ADAMTS3: variants seen among roughly 807,000 people sequenced by gnomAD.
ADAMTS3 encodes the protein ADAM metallopeptidase with thrombospondin type 1 motif 3.
Under a neutral mutation model 129.0 loss-of-function variants are expected in ADAMTS3, and 73 were observed. The observed-to-expected ratio is 0.57, with a 90% CI of 0.47 to 0.69. The LOEUF is 0.69. Ranked by LOEUF, ADAMTS3 falls within the 30% of genes least tolerant of loss-of-function variation. The pLI, the probability that ADAMTS3 is intolerant of heterozygous loss-of-function variation, is 0.00. For synonymous variants in ADAMTS3, 477 were observed against 510.8 expected, an observed-to-expected ratio of 0.93 and a Z score of 0.89; for missense variants, 1,457 against 1,514.5, an observed-to-expected ratio of 0.96 and a Z score of 0.63.
At chr4:72,464,572 C>A (rs763541305) in intron 3 of ADAMTS3, among the ~76,000 whole-genome samples, 22 of 151,944 alleles carry the variant, frequency 1.4e-4, no homozygotes, top group Non-Finnish European at 3.1e-4. Flanking sequence ...ATTTATTGAA[C>A]ATTTACTCTG....
At chr4:72,310,098 G>A (rs1303213674) in intron 14 of ADAMTS3, among the ~76,000 whole-genome samples, 1 of 152,074 alleles carries the variant, frequency 6.6e-6, no homozygotes. Context: ...TAAACCAATG[G>A]AAGGTTAGTG....
In ADAMTS3 at chr4:72,476,467, G is replaced by A. The variant is rs548929390; in HGVS notation, c.505-61496C>T. Among the ~76,000 whole-genome samples the A allele has an allele frequency of 2.0e-5, 3 of 152,146 alleles. No individual in the cohort carries two copies. In the South Asian group the frequency reaches 6.2e-4, roughly 32 times the overall value. On this transcript the variant is annotated intron_variant, in intron 3 of 21. Coordinates refer to ENST00000286657, the MANE Select transcript of ADAMTS3 (RefSeq NM_014243.3). Reference sequence around the variant, plus strand: ...CTTGTAACCAATAAGGTAATTAAATGTACAACTTAAAAAATCCCAAAAAAG... The same window carrying A: ...CTTGTAACCAATAAGGTAATTAAATATACAACTTAAAAAATCCCAAAAAAG...
chr4:72,454,958 C>G (rs1312345972), intron 3 of ADAMTS3, among the ~76,000 whole-genome samples: 1 of 151,796 alleles, frequency 6.6e-6, no homozygotes, highest in East Asian at 2.0e-4. Flanking sequence ...AAAATTTAAA[C>G]ACACTGTATT....
intron 4 of ADAMTS3, among the ~76,000 whole-genome samples, chr4:72,395,196 A>G (rs1721696544): frequency 6.6e-6 from 1 of 152,176 alleles, no homozygotes; most frequent in Non-Finnish European, 1.5e-5. Context: ...AAGTGCTGAG[A>G]TTACAGGTGG....
At chr4:72,427,973 T>TA (rs548548994) in intron 3 of ADAMTS3, among the ~76,000 whole-genome samples, 135 of 152,158 alleles carry the variant, frequency 8.9e-4, no homozygotes, top group African/African-American at 3.0e-3. Context: ...AAATGAAGTT[T>TA]AAAAAAATGA....
At position 72,392,654 on chromosome 4, in the gene ADAMTS3, G is replaced by C. The variant is rs560109368; in HGVS notation, c.661+22161C>G. 1.5e-3 allele frequency among the ~76,000 whole-genome samples: 224 copies of C among 152,228 alleles called. 1 individual carries two copies. Among genetic ancestry groups the C allele is most frequent in the Admixed American group, 3.6e-3 (55 of 15,300 alleles). On this transcript the variant is annotated intron_variant, in intron 4 of 21. Transcript: ENST00000286657. Reference sequence around the variant, plus strand: ...GAATAGAAGAGAAGCCAAGGGGATAGAGGAATATAAATTTTTTCACTGACT... The same window carrying C: ...GAATAGAAGAGAAGCCAAGGGGATACAGGAATATAAATTTTTTCACTGACT...
At chr4:72,470,518 A>G (rs2109993388) in intron 3 of ADAMTS3, among the ~76,000 whole-genome samples, 1 of 151,770 alleles carries the variant, frequency 6.6e-6, no homozygotes, top group South Asian at 2.1e-4. Flanking sequence ...TCTTAAAATT[A>G]TATCCATCTT....
intron 3 of ADAMTS3, among the ~76,000 whole-genome samples, chr4:72,476,466 T>C (rs530387908): frequency 9.9e-5 from 15 of 152,214 alleles, no homozygotes; most frequent in African/African-American, 3.1e-4. Flanking sequence ...GGTAATTAAA[T>C]GTACAACTTA....
rs1020072891 is a variant in ADAMTS3 at position 72,557,642 on chromosome 4, C to A, written c.98-8758G>T. Among the ~76,000 whole-genome samples, 9 of 151,464 alleles carry A rather than the reference C, an allele frequency of 5.9e-5. 1 individual carries two copies. The highest frequency in any genetic ancestry group is 2.2e-4 in the African/African-American group (9 of 40,978). On this transcript the variant is annotated intron_variant, in intron 2 of 21. Coordinates refer to ENST00000286657, the MANE Select transcript of ADAMTS3 (RefSeq NM_014243.3). ...ATTCTTCTAGTTTTTAAAAATCTGG[C>A]TTATTAATAAATATTTGTTGCAATT...
chr4:72,346,676 T>A (rs1301621370), intron 4 of ADAMTS3, among the ~76,000 whole-genome samples: 1 of 152,118 alleles, frequency 6.6e-6, no homozygotes, highest in Middle Eastern at 3.2e-3. Flanking sequence ...ACTAGAGATA[T>A]CTCACAGATA....
At chr4:72,286,278 A>G (rs1296461358) in intron 21 of ADAMTS3, among the ~76,000 whole-genome samples, 1 of 152,238 alleles carries the variant, frequency 6.6e-6, no homozygotes, top group African/African-American at 2.4e-5. Flanking sequence ...TAACTACATA[A>G]GAATAAAATA....
chr4:72,524,867 T>C (rs1720768644), intron 3 of ADAMTS3, among the ~76,000 whole-genome samples: 1 of 152,102 alleles, frequency 6.6e-6, no homozygotes, highest in Non-Finnish European at 1.5e-5. Flanking sequence ...GAAATAGAAC[T>C]GGACAGAATA....
intron 3 of ADAMTS3, among the ~76,000 whole-genome samples, chr4:72,516,064 G>A (rs1263043494): frequency 6.6e-6 from 1 of 152,130 alleles, no homozygotes; most frequent in Admixed American, 6.5e-5. Flanking sequence ...TGGCTACCCA[G>A]TTTTCCCAGC....
At chr4:72,390,333 G>A (rs1721558030) in intron 4 of ADAMTS3, among the ~76,000 whole-genome samples, 1 of 152,104 alleles carries the variant, frequency 6.6e-6, no homozygotes, top group African/African-American at 2.4e-5. Context: ...TATTTGTGAT[G>A]ACGGCACCAA....
intron 3 of ADAMTS3, among the ~76,000 whole-genome samples, chr4:72,443,993 A>G (rs1159885731): frequency 6.6e-6 from 1 of 151,728 alleles, no homozygotes; most frequent in Non-Finnish European, 1.5e-5. Flanking sequence ...AGTAATCACC[A>G]TAGTGAATAG....
At chr4:72,413,460 A>T (rs1481662) in intron 4 of ADAMTS3, among the ~76,000 whole-genome samples, 107,845 of 151,822 alleles carry the variant, frequency 0.71, 38,516 homozygotes, top group South Asian at 0.8. Context: ...ATAACATTTT[A>T]AGAATATGAA....
At chr4:72,390,208 T>C (rs181415147) in intron 4 of ADAMTS3, among the ~76,000 whole-genome samples, 17 of 152,278 alleles carry the variant, frequency 1.1e-4, no homozygotes, top group Admixed American at 2.6e-4. Context: ...TAGTACTAAT[T>C]TGAGAAGGAT....
chr4:72,348,442 A>C (rs1329729600), intron 4 of ADAMTS3, among the ~76,000 whole-genome samples: 2 of 152,110 alleles, frequency 1.3e-5, no homozygotes, highest in Non-Finnish European at 2.9e-5. Context: ...TTTTTCAGAA[A>C]GAGGTTGTAT....
rs1280551621 is a variant in ADAMTS3 at position 72,456,121 on chromosome 4, TTA to T, written c.505-41152_505-41151del. On this transcript the variant is annotated intron_variant, in intron 3 of 21. Coordinates refer to ENST00000286657, the MANE Select transcript of ADAMTS3 (RefSeq NM_014243.3). Reference sequence around the variant, plus strand: ...ATATAGTATATATACTATATATATTTTATATATAGTATATATACTATATATAT... The same window carrying T: ...ATATAGTATATATACTATATATATTTTATATAGTATATATACTATATATAT... Among the ~76,000 whole-genome samples the T allele has an allele frequency of 2.1e-4, 9 of 43,232 alleles. 4 individuals are homozygous for T. Among genetic ancestry groups the T allele is most frequent in the Non-Finnish European group, 2.5e-4 (6 of 24,422 alleles). The allele number at this position is 43,232 out of a possible 152,430, so 28.4% of individuals were successfully genotyped here. A position where few individuals can be genotyped will look rare whatever the true frequency, so the allele number is the denominator to read the frequency against.
Sources: gnomAD v4.1 joint callset for allele counts (sites outside exome capture counted in the v4.1 genomes callset) on GRCh38, gnomAD v4.1.1 for gene constraint, MANE v1.5 for transcripts, NCBI Gene and HGNC (gene_info 2026-07-23, HGNC 2026-07-21) for gene names.